Variants in MRAP2 observed in about 807,000 individuals in gnomAD.
The protein encoded by MRAP2 is melanocortin-2 receptor accessory protein 2.
MRAP2 carries 20 observed loss-of-function variants against 17.4 expected under a neutral mutation model. The observed-to-expected ratio is 1.15, with a 90% confidence interval of 0.81 to 1.67. MRAP2 has a LOEUF of 1.67. MRAP2 is among the 40% of genes most tolerant of loss of function. The probability of loss-of-function intolerance (pLI) is 0.00; values close to 1 mark genes in which losing one functional copy is unlikely to be tolerated. For missense variants in MRAP2, 238 were observed against 240.0 expected (o/e 0.99, Z 0.05); for synonymous variants, 96 against 88.4 (o/e 1.09, Z -0.48).
intron 1 of MRAP2, chr6:84,035,380 ATACT>A (rs771419209): frequency 2.6e-4 from 253 of 977,704 alleles, no homozygotes; most frequent in Non-Finnish European, 2.9e-4. Flanking sequence ...GCATTTACAA[ATACT>A]TACGCCAAAC....
chr6:84,046,003 A>G lies in MRAP2; in HGVS notation c.-7-9309A>G, dbSNP rs192015942. 1.5e-3 allele frequency among the ~76,000 whole-genome samples: 223 copies of G among 152,316 alleles called. 3 individuals carry two copies. Among genetic ancestry groups the G allele is most frequent in the Admixed American group, 9.4e-3 (144 of 15,300 alleles). On this transcript the variant is annotated intron_variant, in intron 1 of 3. Coordinates refer to ENST00000257776, the MANE Select transcript of MRAP2 (RefSeq NM_138409.4). The stretch of plus-strand genomic sequence containing the variant: ...TGTAAAGGGGGTGAGTATTTCAGCC[A>G]TAATAGGTAGCTCTCATGTGAATGC...
At chr6:84,127,476 G>A in the MRAP2 span, among the ~76,000 whole-genome samples, 1 of 152,066 alleles carries the variant, frequency 6.6e-6, no homozygotes, top group African/African-American at 2.4e-5. Flanking sequence ...TAATTGGGAT[G>A]GTTTGCAGAG....
intron 2 of MRAP2, among the ~76,000 whole-genome samples, chr6:84,056,638 T>C (rs922118087): frequency 2.0e-5 from 3 of 152,218 alleles, no homozygotes; most frequent in African/African-American, 7.2e-5. Flanking sequence ...AATATGTTGT[T>C]TTTCTAGGAT....
chr6:84,046,207 AGTT>A (rs2099488992), intron 1 of MRAP2, among the ~76,000 whole-genome samples: 2 of 152,164 alleles, frequency 1.3e-5, no homozygotes, highest in African/African-American at 2.4e-5. Context: ...TGTTAATAAT[AGTT>A]GTTTTTTTAA....
downstream of MRAP2, among the ~76,000 whole-genome samples, chr6:84,091,956 C>G (rs1478121662): frequency 6.6e-6 from 1 of 152,220 alleles, no homozygotes; most frequent in Non-Finnish European, 1.5e-5. Flanking sequence ...AATTTATTCT[C>G]TTCCAGTTCT....
the MRAP2 span, among the ~76,000 whole-genome samples, chr6:84,130,676 G>A: frequency 1.3e-5 from 2 of 151,980 alleles, no homozygotes; most frequent in African/African-American, 2.4e-5. Flanking sequence ...TCATGGTAGT[G>A]TGTATTTCTG....
chr6:84,125,252 C>T, the MRAP2 span: 1 of 1,613,336 alleles, frequency 6.2e-7, no homozygotes, highest in South Asian at 1.1e-5. Context: ...TCAGTTTCTA[C>T]TACTTGGTGT....
the MRAP2 span, among the ~76,000 whole-genome samples, chr6:84,119,926 T>G: frequency 6.6e-6 from 1 of 152,168 alleles, no homozygotes; most frequent in African/African-American, 2.4e-5. Flanking sequence ...GCCACAAATC[T>G]CTATTAGTCA....
intron 2 of MRAP2, chr6:84,062,650 G>C: frequency 2.0e-6 from 2 of 985,372 alleles, no homozygotes; most frequent in Non-Finnish European, 2.4e-6. Flanking sequence ...TTGAGATATG[G>C]AAAGCATGAG....
chr6:84,139,598 CA>C, the MRAP2 span, among the ~76,000 whole-genome samples: 1 of 152,126 alleles, frequency 6.6e-6, no homozygotes, highest in African/African-American at 2.4e-5. Flanking sequence ...GAAATCCTAG[CA>C]AAACTGGCAG....
the MRAP2 span, among the ~76,000 whole-genome samples, chr6:84,112,746 A>C: frequency 6.6e-6 from 1 of 152,160 alleles, no homozygotes; most frequent in East Asian, 1.9e-4. Context: ...TTAGTGCTAT[A>C]AATTTCCCTC....
At chr6:84,071,592 T>C (rs60801467) in intron 3 of MRAP2, among the ~76,000 whole-genome samples, 1,604 of 152,264 alleles carry the variant, frequency 0.011, 24 homozygotes, top group African/African-American at 0.036. Context: ...ATTTCCTAGG[T>C]GTTCTTTGTG....
chr6:84,046,780 CAAAAAAA>C (rs756963425), intron 1 of MRAP2, among the ~76,000 whole-genome samples: 16 of 23,150 alleles, frequency 6.9e-4, no homozygotes, highest in South Asian at 1.9e-3. Flanking sequence ...AACTCCATCT[CAAAAAAA>C]AAAAAAAAAA....
At chr6:84,128,036 C>A in the MRAP2 span, among the ~76,000 whole-genome samples, 1 of 152,220 alleles carries the variant, frequency 6.6e-6, no homozygotes, top group African/African-American at 2.4e-5. Context: ...TGACTCCTCA[C>A]ATAAAATGTA....
chr6:84,048,948 CA>C (rs1382873959), intron 1 of MRAP2, among the ~76,000 whole-genome samples: 1 of 152,164 alleles, frequency 6.6e-6, no homozygotes, highest in African/African-American at 2.4e-5. Flanking sequence ...TCTGTAGAGC[CA>C]GGGGCGGAGG....
chr6:84,122,350 T>TC, the MRAP2 span, among the ~76,000 whole-genome samples: 64 of 46,666 alleles, frequency 1.4e-3, no homozygotes, highest in Admixed American at 2.4e-3. Context: ...CAACAGCACA[T>TC]CCAAAAAAAA....
chr6:84,071,087 T>A (rs2099496087), intron 3 of MRAP2, among the ~76,000 whole-genome samples: 1 of 152,186 alleles, frequency 6.6e-6, no homozygotes, highest in Admixed American at 6.5e-5. Flanking sequence ...GGATAAGAGG[T>A]ACCATTGCAT....
At chr6:84,052,230 C>T (rs148265403) in intron 1 of MRAP2, among the ~76,000 whole-genome samples, 13 of 152,170 alleles carry the variant, frequency 8.5e-5, no homozygotes, top group East Asian at 5.8e-4. Flanking sequence ...AGCAGCTGCC[C>T]GTGGAGCTGC....
intron 1 of MRAP2, among the ~76,000 whole-genome samples, chr6:84,037,583 G>C (rs2099486458): frequency 6.6e-6 from 1 of 152,208 alleles, no homozygotes; most frequent in Non-Finnish European, 1.5e-5. Context: ...GGGGTGGGGG[G>C]CTGGGCTCTG....
Sources: gnomAD v4.1 joint callset for allele counts (sites outside exome capture counted in the v4.1 genomes callset) on GRCh38, gnomAD v4.1.1 for gene constraint, MANE v1.5 for transcripts, NCBI Gene and HGNC (gene_info 2026-07-23, HGNC 2026-07-21) for gene names.